The following CELF3 variants were observed in gnomAD, a reference collection of about 807,000 sequenced individuals.
CELF3 encodes the protein CUGBP Elav-like family member 3.
In CELF3, 26 loss-of-function variants were observed where a neutral mutation model predicts 59.6. The ratio of observed to expected loss-of-function variants is 0.44; its 90% confidence interval spans 0.32 to 0.61. CELF3 has a LOEUF of 0.61. CELF3 is among the 20% of genes least tolerant of loss of function. CELF3 has a pLI of 0.06. For missense variants in CELF3, 387 were observed against 627.2 expected (o/e 0.62, Z 4.09); for synonymous variants, 245 against 250.7 (o/e 0.98, Z 0.22).
At position 151,716,721 on chromosome 1, in the gene CELF3, T is replaced by C; in HGVS notation, c.-701A>G. ...CCGGGCCTGGGCTGCTGCCGGCTGC[T>C]CCCGCCGCTGGGGCTGCCTGCTTTC... On this transcript the variant is annotated 5_prime_UTR_variant, in exon 1 of 13. Transcript: ENST00000290583. 2.4e-6 allele frequency: 1 copy of C among 425,090 alleles called. No homozygotes were observed. The highest frequency in any genetic ancestry group is 4.7e-6 in the Non-Finnish European group (1 of 212,620). The allele number at this position is 425,090 out of a possible 1,614,324, so 26.3% of individuals were successfully genotyped here.
At position 151,705,418 on chromosome 1, in the gene CELF3, G is replaced by A. The variant is rs945259558; in HGVS notation, c.1271-250C>T. 6.6e-6 allele frequency among the ~76,000 whole-genome samples: 1 copy of A among 152,174 alleles called. No homozygotes were observed. Among genetic ancestry groups the A allele is most frequent in the Non-Finnish European group, 1.5e-5 (1 of 68,030 alleles). On this transcript the variant is annotated intron_variant, in intron 11 of 12. Transcript: ENST00000290583. The surrounding 1 kb of genome is among the most constrained non-coding windows in gnomAD (Gnocchi z 5.1). ...CCTTCCTCTGCCTGGATAGCTCTGA[G>A]CCTGCCCTTTGAAAACGGCCACTTC...
At position 151,716,176 on chromosome 1, in the gene CELF3, T is replaced by C. The variant is rs944386248; in HGVS notation, c.-156A>G. 1.4e-6 allele frequency: 1 copy of C among 708,138 alleles called. No homozygotes were observed. The highest frequency in any genetic ancestry group is 1.8e-5 in the African/African-American group (1 of 55,796). The allele number at this position is 708,138 out of a possible 1,614,324, so 43.9% of individuals were successfully genotyped here. On this transcript the variant is annotated 5_prime_UTR_variant, in exon 1 of 13. Coordinates refer to ENST00000290583, the MANE Select transcript of CELF3 (RefSeq NM_007185.7). ...CCACGCTGCTAAGCAGAGGGGCGGC[T>C]CTTCACACAAAGGAGGCCCAGGGAG...
At chr1:151,707,679 GC>G in intron 6 of CELF3, 31 bp from the exon 7 acceptor site, 3 of 1,598,072 alleles carry the variant, frequency 1.9e-6, no homozygotes, top group Admixed American at 1.7e-5. Context: ...AGTGGGGCAG[GC>G]CCCCTGTGCC....
chr1:151,709,895 C>T lies in CELF3; in HGVS notation c.229-104G>A. ...GAGACTAGAGGGGCAAGCCCCAGGC[C>T]CTCTAAGTTTCTGATGGGAAGGAAG... On this transcript the variant is annotated intron_variant, in intron 2 of 12. Coordinates refer to ENST00000290583, the MANE Select transcript of CELF3 (RefSeq NM_007185.7). This position sits in a 1 kb window ranked among gnomAD's most constrained non-coding sequence, Gnocchi z 4.9. 3 of 1,105,536 alleles carry T rather than the reference C, an allele frequency of 2.7e-6. No homozygotes were observed. 68.5% of individuals were successfully genotyped at this position (1,105,536 alleles called of 1,614,324 possible). A position where few individuals can be genotyped will look rare whatever the true frequency, so the allele number is the denominator to read the frequency against.
chr1:151,708,641 G>A (rs1672763246), intron 5 of CELF3, among the ~76,000 whole-genome samples: 2 of 152,130 alleles, frequency 1.3e-5, no homozygotes, highest in South Asian at 4.1e-4. Context: ...GCAGGGAAGA[G>A]GGGTGCACGT....
Position 151,706,231 on chromosome 1 carries a change from T to TTGCTGCTGCTGCTGTTGC in CELF3, c.1101_1118dup (p.Gln368_Gln373dup), listed in dbSNP as rs1379072999. 5 of 1,608,250 alleles carry TTGCTGCTGCTGCTGTTGC rather than the reference T, an allele frequency of 3.1e-6. No individual in the cohort carries two copies. Among genetic ancestry groups the TTGCTGCTGCTGCTGTTGC allele is most frequent in the Non-Finnish European group, 4.2e-6 (5 of 1,178,230 alleles). On this transcript the variant is annotated inframe_insertion, in exon 10 of 13. Transcript: ENST00000290583. Reference sequence around the variant, plus strand: ...CAAGGCCCCAGCCAGCACCTTCTCTTTGCTGCTGCTGCTGTTGCTGCTGCT... The same window carrying TTGCTGCTGCTGCTGTTGC: ...CAAGGCCCCAGCCAGCACCTTCTCTTTGCTGCTGCTGCTGTTGCTGCTGCTGCTGCTGTTGCTGCTGCT...
In CELF3 at chr1:151,706,308, C is replaced by A; in HGVS notation, c.1042G>T (p.Ala348Ser). Reference sequence around the variant, plus strand: ...GGTGGGGGCTGCTGGGCGACCAGGGCTGGAGGCTGCGGGAACGCAGGTGCA... The same window carrying A: ...GGTGGGGGCTGCTGGGCGACCAGGGATGGAGGCTGCGGGAACGCAGGTGCA... Reference protein sequence around the residue: ...LVAPAFPQPPALVAQQPPPPP... With the variant: ...LVAPAFPQPPSLVAQQPPPPP... The change falls in exon 10 of 13, where the codon GCC becomes TCC. Residue 348 changes from alanine (A) to serine (S), a missense_variant. Coordinates refer to ENST00000290583, the MANE Select transcript of CELF3 (RefSeq NM_007185.7). 1 of 1,558,392 alleles carries A rather than the reference C, an allele frequency of 6.4e-7. No individual in the cohort carries two copies. Among genetic ancestry groups the A allele is most frequent in the Non-Finnish European group, 8.7e-7 (1 of 1,151,370 alleles).
In CELF3 at chr1:151,703,028, G is replaced by C. The variant is rs561149497; in HGVS notation, c.*431C>G. 14 of 372,410 alleles carry C rather than the reference G, an allele frequency of 3.8e-5. No individual in the cohort carries two copies. Among genetic ancestry groups the C allele is most frequent in the South Asian group, 2.5e-4 (13 of 51,280 alleles). The allele number at this position is 372,410 out of a possible 1,614,324, so 23.1% of individuals were successfully genotyped here. On this transcript the variant is annotated 3_prime_UTR_variant, in exon 13 of 13. Transcript: ENST00000290583. Reference sequence around the variant, plus strand: ...GCTTCCAAGAAACCCCTAATGTGGGGAAGAGGCTGGGGTGAGGGTGAGCTG... The same window carrying C: ...GCTTCCAAGAAACCCCTAATGTGGGCAAGAGGCTGGGGTGAGGGTGAGCTG...
chr1:151,711,659 C>T (rs1286714523), intron 2 of CELF3, among the ~76,000 whole-genome samples: 2 of 152,218 alleles, frequency 1.3e-5, no homozygotes, highest in African/African-American at 2.4e-5. Context: ...TGGGCTTTCA[C>T]CTCCTTCTCT....
At chr1:151,715,524 A>C (rs1240617454) in intron 1 of CELF3, 3 of 683,390 alleles carry the variant, frequency 4.4e-6, no homozygotes, top group Admixed American at 5.3e-5. Flanking sequence ...CTGCACACGC[A>C]CACACACACA....
In CELF3 at chr1:151,700,809, A is replaced by G. The variant is rs923400348; in HGVS notation, c.*2650T>C. On this transcript the variant is annotated 3_prime_UTR_variant, in exon 13 of 13. Transcript: ENST00000290583. ...TTTTCTGTCTATGTGACTAGAAAAT[A>G]GAAATATATGAGTCAGGACTTTATG... Among the ~76,000 whole-genome samples, 1 of 152,262 alleles carries G rather than the reference A, an allele frequency of 6.6e-6. No homozygotes were observed. The highest frequency in any genetic ancestry group is 6.5e-5 in the Admixed American group (1 of 15,288).
In CELF3 at chr1:151,705,271, T is replaced by A; in HGVS notation, c.1271-103A>T. On this transcript the variant is annotated intron_variant, in intron 11 of 12. Transcript: ENST00000290583. The surrounding 1 kb of genome is among the most constrained non-coding windows in gnomAD (Gnocchi z 5.1). ...GTGTCTCCCAAGTGTCCCAAATGCCTAGAAAGCTGCCTGCCACATAGCAGC... is the reference window on the plus strand; with the variant it reads ...GTGTCTCCCAAGTGTCCCAAATGCCAAGAAAGCTGCCTGCCACATAGCAGC... 1.5e-6 allele frequency: 2 copies of A among 1,331,014 alleles called. No homozygotes were observed. Among genetic ancestry groups the A allele is most frequent in the Non-Finnish European group, 2.1e-6 (2 of 975,504 alleles). 82.5% of individuals were successfully genotyped at this position (1,331,014 alleles called of 1,614,324 possible).
At chr1:151,710,045 C>G in intron 2 of CELF3, 1 of 529,552 alleles carries the variant, frequency 1.9e-6, no homozygotes, top group South Asian at 2.2e-5. Context: ...ATGACTTGGC[C>G]AGGGATGGGT....
rs751117395 is a variant in CELF3 at position 151,709,213 on chromosome 1, G to A, written c.406+7C>T. 1.9e-6 allele frequency: 3 copies of A among 1,613,222 alleles called. No individual in the cohort carries two copies. In the Admixed American group the frequency reaches 5.0e-5, roughly 27 times the overall value. ...CCCGGTGGGGAAGGGGGAAGTGGGT[G>A]GACTACCTTTGCTGGTGCCATCTGG... is the stretch of plus-strand genomic sequence containing the variant. On this transcript the variant is annotated splice_region_variant and intron_variant, in intron 4 of 12. Coordinates refer to ENST00000290583, the MANE Select transcript of CELF3 (RefSeq NM_007185.7). The surrounding 1 kb of genome is among the most constrained non-coding windows in gnomAD (Gnocchi z 4.9).
rs184467518 is a variant in CELF3, at chr1:151,706,531, T to G, written c.988+138A>C. On this transcript the variant is annotated intron_variant, in intron 9 of 12. Coordinates refer to ENST00000290583, the MANE Select transcript of CELF3 (RefSeq NM_007185.7). ...TGGGTGTGCTGCCCTTAAAGACCCC[T>G]CCCCACAGTTGGGCTTGTCAGTAAA... 2.5e-4 allele frequency: 297 copies of G among 1,194,016 alleles called. 2 individuals are homozygous for G. The highest frequency in any genetic ancestry group is 6.0e-6 in the Non-Finnish European group (5 of 832,710). 74.0% of individuals were successfully genotyped at this position (1,194,016 alleles called of 1,614,324 possible).
chr1:151,707,686 G>A, intron 6 of CELF3, 38 bp from the exon 7 acceptor site: 3 of 1,599,324 alleles, frequency 1.9e-6, no homozygotes, highest in East Asian at 2.2e-5. Flanking sequence ...CAGGCCCCCT[G>A]TGCCCAAGCC....
At chr1:151,707,464 C>T (rs1334867685) in intron 7 of CELF3, 43 bp downstream of exon 7, 3 of 1,606,014 alleles carry the variant, frequency 1.9e-6, no homozygotes, top group Admixed American at 1.7e-5. Context: ...CTCCCTACCC[C>T]TACCATGCTT....
chr1:151,707,577 G>C lies in CELF3; in HGVS notation c.702C>G (p.Ala234=), dbSNP rs772729552. Residue 234 remains alanine (A), a synonymous_variant, in exon 7 of 13, where the codon GCC becomes GCG. Coordinates refer to ENST00000290583, the MANE Select transcript of CELF3 (RefSeq NM_007185.7). ...TGGCAGCCATGTGCTGCATCTGCAC[G>C]GCAGCCATGGTGGCCATGGGGCTGA... is the stretch of plus-strand genomic sequence containing the variant. ...AYLSPMATMA[A]VQMQHMAAIN... is the part of the protein sequence containing the mutation. 1.2e-6 allele frequency: 2 copies of C among 1,609,264 alleles called. No individual in the cohort carries two copies. The highest frequency in any genetic ancestry group is 1.7e-6 in the Non-Finnish European group (2 of 1,179,024).
rs1203488926 is a variant in CELF3, at chr1:151,702,130, T to C, written c.*1329A>G. Among the ~76,000 whole-genome samples, 1 of 152,140 alleles carries C rather than the reference T, an allele frequency of 6.6e-6. No individual in the cohort carries two copies. The highest frequency in any genetic ancestry group is 2.4e-5 in the African/African-American group (1 of 41,414). On this transcript the variant is annotated 3_prime_UTR_variant, in exon 13 of 13. Transcript: ENST00000290583. ...ATGTGAGACTGCAAGTCCTCAGCCT[T>C]CAGAGGGACAGAGCTGGATACAGGG... is the stretch of plus-strand genomic sequence containing the variant.
Sources: allele counts gnomAD v4.1 joint callset (sites outside exome capture counted in the v4.1 genomes callset), GRCh38; gene constraint gnomAD v4.1.1; non-coding constraint Gnocchi (gnomAD v3.1); transcripts MANE v1.5; gene names NCBI Gene and HGNC (gene_info 2026-07-23, HGNC 2026-07-21).